Variants in DCLK2 observed in about 807,000 individuals in gnomAD.
The protein encoded by DCLK2 is serine/threonine-protein kinase DCLK2.
In DCLK2, 31 loss-of-function variants were observed where a neutral mutation model predicts 78.4. The observed-to-expected ratio is 0.40, with a 90% CI of 0.30 to 0.53. The LOEUF (loss-of-function observed/expected upper bound fraction) is 0.53, where lower values mean the gene tolerates loss of function less well. DCLK2 is among the 20% of genes least tolerant of loss of function. The pLI is 0.61. For synonymous variants in DCLK2, 407 were observed against 374.9 expected (o/e 1.09, Z -0.99); for missense variants, 872 against 973.7 (o/e 0.90, Z 1.39).
chr4:150,118,989 C>T (rs60275576), intron 2 of DCLK2, among the ~76,000 whole-genome samples: 12,360 of 152,066 alleles, frequency 0.081, 534 homozygotes, highest in Middle Eastern at 0.12. Flanking sequence ...CACGCCACTG[C>T]ACTCCAGCCT....
At chr4:150,116,468 T>G (rs1318658793) in intron 2 of DCLK2, among the ~76,000 whole-genome samples, 1 of 152,232 alleles carries the variant, frequency 6.6e-6, no homozygotes, top group African/African-American at 2.4e-5. Flanking sequence ...TCCCATGTGA[T>G]GTGTCCTTCC....
At position 150,247,874 on chromosome 4, in the gene DCLK2, T is replaced by C. The variant is rs193036678; in HGVS notation, c.1875+175T>C. On this transcript the variant is annotated intron_variant, in intron 13 of 15. Coordinates refer to ENST00000296550, the MANE Select transcript of DCLK2 (RefSeq NM_001040260.4). ...TCTCTGAAGTTCTTGGCCAAATTCT[T>C]AAAGCTGGACTGGCCATCTTTCCAG... Among the ~76,000 whole-genome samples, 39 of 152,378 alleles carry C rather than the reference T, an allele frequency of 2.6e-4. 1 individual carries two copies. Among genetic ancestry groups the C allele is most frequent in the Admixed American group, 2.4e-3 (37 of 15,302 alleles).
In DCLK2 at chr4:150,079,291, G is replaced by A. The variant is rs1466745741; in HGVS notation, c.264G>A (p.Val88=). 6.3e-7 allele frequency: 1 copy of A among 1,599,952 alleles called. No individual in the cohort carries two copies. The highest frequency in any genetic ancestry group is 1.7e-5 in the Admixed American group (1 of 58,140). ...GGGACCGCTACTTCAAGGGCCTGGT[G>A]TTTGCCATCTCCAGCGACCGCTTCC... ...RNGDRYFKGL[V]FAISSDRFRS... Residue 88 remains valine (V), a synonymous_variant, in exon 1 of 16, where the codon GTG becomes GTA. Transcript: ENST00000296550.
chr4:150,135,084 A>G (rs1733597224), intron 2 of DCLK2, among the ~76,000 whole-genome samples: 1 of 152,068 alleles, frequency 6.6e-6, no homozygotes, highest in Non-Finnish European at 1.5e-5. Context: ...TTTATGGGCT[A>G]AATTTTGGAA....
intron 2 of DCLK2, among the ~76,000 whole-genome samples, chr4:150,155,032 G>C (rs1041177246): frequency 7.2e-5 from 11 of 152,136 alleles, no homozygotes; most frequent in African/African-American, 2.6e-4. Flanking sequence ...GGAGTTCAAG[G>C]CTAGCTTGGG....
chr4:150,188,864 C>T (rs1738159697), intron 2 of DCLK2, among the ~76,000 whole-genome samples: 2 of 147,288 alleles, frequency 1.4e-5, no homozygotes, highest in African/African-American at 5.1e-5. Context: ...TAGATCATGC[C>T]ACTGCACTCC....
chr4:150,218,023 A>G (rs1405127699), intron 5 of DCLK2, among the ~76,000 whole-genome samples: 1 of 152,052 alleles, frequency 6.6e-6, no homozygotes, highest in Non-Finnish European at 1.5e-5. Context: ...GCTTGGCCCC[A>G]TGCCATGCTC....
At chr4:150,099,174 A>C (rs1263709525) in intron 1 of DCLK2, among the ~76,000 whole-genome samples, 1 of 152,148 alleles carries the variant, frequency 6.6e-6, no homozygotes, top group African/African-American at 2.4e-5. Context: ...GGGGGAGGCT[A>C]ATCGCTTCTA....
intron 2 of DCLK2, among the ~76,000 whole-genome samples, chr4:150,141,950 A>C (rs985762514): frequency 6.6e-6 from 1 of 152,224 alleles, no homozygotes; most frequent in African/African-American, 2.4e-5. Flanking sequence ...CCTACTTTGA[A>C]GTTTAATGCT....
At chr4:150,159,169 C>T (rs559587811) in intron 2 of DCLK2, among the ~76,000 whole-genome samples, 1 of 152,234 alleles carries the variant, frequency 6.6e-6, no homozygotes, top group East Asian at 1.9e-4. Context: ...AGGACAGACA[C>T]CACATCAAAG....
intron 2 of DCLK2, among the ~76,000 whole-genome samples, chr4:150,148,637 C>A (rs1003660692): frequency 2.0e-5 from 3 of 151,814 alleles, no homozygotes; most frequent in Non-Finnish European, 4.4e-5. Flanking sequence ...TGATGTATAT[C>A]TAAAGCTTTT....
At chr4:150,086,969 T>C (rs2150133919) in intron 1 of DCLK2, among the ~76,000 whole-genome samples, 1 of 152,344 alleles carries the variant, frequency 6.6e-6, no homozygotes, top group Middle Eastern at 3.4e-3. Context: ...TTTTGCTAAT[T>C]TTTTCATGCT....
chr4:150,096,706 G>GA (rs778098435), intron 1 of DCLK2, among the ~76,000 whole-genome samples: 10 of 152,234 alleles, frequency 6.6e-5, no homozygotes, highest in African/African-American at 2.4e-4. Context: ...AAATTAGACA[G>GA]AAAATGTGCT....
chr4:150,193,099 G>A (rs1184029882), intron 2 of DCLK2, 39 bp from the exon 3 acceptor site: 1 of 1,230,936 alleles, frequency 8.1e-7, no homozygotes, highest in African/African-American at 1.5e-5. Context: ...CACTTCTAAT[G>A]TGTCTAATTT....
chr4:150,202,495 TA>T (rs1408856770), intron 4 of DCLK2, among the ~76,000 whole-genome samples: 1 of 152,212 alleles, frequency 6.6e-6, no homozygotes, highest in African/African-American at 2.4e-5. Flanking sequence ...TAAACGCAGA[TA>T]TTCCTGTTTA....
chr4:150,240,285 A>T, intron 11 of DCLK2, 114 bp from the exon 12 acceptor site: 1 of 882,352 alleles, frequency 1.1e-6, no homozygotes, highest in Non-Finnish European at 1.8e-6. Flanking sequence ...AATGAAATGA[A>T]TAATTTAACA....
chr4:150,203,614 T>TG lies in DCLK2; in HGVS notation c.962-181_962-180insG, dbSNP rs554672707. Among the ~76,000 whole-genome samples the TG allele has an allele frequency of 1.5e-3, 233 of 151,934 alleles. 1 individual carries two copies. The highest frequency in any genetic ancestry group is 2.8e-3 in the Non-Finnish European group (190 of 67,940). ...CTAGTTTCACTCTGTTTTTTTTTTT[T>TG]TTGTCTGTAATGCAGTAAGATACAT... On this transcript the variant is annotated intron_variant, in intron 4 of 15. Transcript: ENST00000296550.
chr4:150,091,728 C>T (rs1297440425), intron 1 of DCLK2, among the ~76,000 whole-genome samples: 2 of 151,456 alleles, frequency 1.3e-5, no homozygotes, highest in African/African-American at 4.9e-5. Context: ...TTTCCACCTA[C>T]ATAAGATTCC....
chr4:150,217,853 G>A (rs1248672464), intron 5 of DCLK2, among the ~76,000 whole-genome samples: 3 of 152,064 alleles, frequency 2.0e-5, no homozygotes, highest in African/African-American at 4.8e-5. Context: ...CCCTGTTAAC[G>A]CTACATAATT....
Sources: allele counts gnomAD v4.1 joint callset (sites outside exome capture counted in the v4.1 genomes callset), GRCh38; gene constraint gnomAD v4.1.1; transcripts MANE v1.5; gene names NCBI Gene and HGNC (gene_info 2026-07-23, HGNC 2026-07-21).